NPHS1: variants seen among roughly 807,000 people sequenced by gnomAD.
NPHS1 encodes the protein nephrin.
A neutral mutation model predicts 139.7 loss-of-function variants in NPHS1; 107 were observed. The ratio of observed to expected loss-of-function variants is 0.77; its 90% confidence interval spans 0.66 to 0.90. The LOEUF (loss-of-function observed/expected upper bound fraction) is 0.90, where lower values mean the gene tolerates loss of function less well. NPHS1 is among the 40% of genes least tolerant of loss of function. NPHS1 has a pLI of 0.00. For missense variants in NPHS1, 1,580 were observed against 1,654.2 expected (o/e 0.96, Z 0.78); for synonymous variants, 707 against 706.6 (o/e 1.00, Z -0.01).
At chr19:35,829,767 G>T (rs1972850123) in intron 28 of NPHS1, among the ~76,000 whole-genome samples, 1 of 151,952 alleles carries the variant, frequency 6.6e-6, no homozygotes, top group African/African-American at 2.4e-5. Flanking sequence ...TCGAACTCTT[G>T]ACCTCAGGTA....
intron 14 of NPHS1, among the ~76,000 whole-genome samples, chr19:35,844,990 T>A (rs971437849): frequency 3.3e-5 from 5 of 151,658 alleles, no homozygotes; most frequent in South Asian, 4.2e-4. Context: ...AAAATCAGCC[T>A]AGCATAGTGG....
rs1042689819 is a variant in NPHS1 at position 35,849,208 on chromosome 19, C to A, written c.840+28G>T. Reference sequence around the variant, plus strand: ...TGGCTCCCAGACCCCACTGTCCCCCCATTCCCCATGCCCGCGTTTGCCCTC... The same window carrying A: ...TGGCTCCCAGACCCCACTGTCCCCCAATTCCCCATGCCCGCGTTTGCCCTC... On this transcript the variant is annotated intron_variant, in intron 7 of 28. Coordinates refer to ENST00000378910, the MANE Select transcript of NPHS1 (RefSeq NM_004646.4). The A allele has an allele frequency of 1.4e-5, 22 of 1,613,590 alleles. No individual in the cohort carries two copies. In the Admixed American group the frequency reaches 1.8e-4, roughly 13 times the overall value.
At chr19:35,837,026 A>AAAAGAAAAGAAAGAAAGAAAG (rs1555761159) in intron 22 of NPHS1, among the ~76,000 whole-genome samples, 1 of 131,866 alleles carries the variant, frequency 7.6e-6, no homozygotes, top group African/African-American at 2.9e-5. Flanking sequence ...AAAAGAAAAG[A>AAAAGAAAAGAAAGAAAGAAAG]AAAGAAAGAA....
chr19:35,847,289 C>T (rs1325272390), intron 11 of NPHS1, among the ~76,000 whole-genome samples: 2 of 151,486 alleles, frequency 1.3e-5, no homozygotes, highest in East Asian at 3.9e-4. Flanking sequence ...TCGTGATCCG[C>T]CCGCCTCAGC....
intron 9 of NPHS1, 41 bp from the exon 10 acceptor site, chr19:35,848,438 C>T: frequency 6.2e-7 from 1 of 1,613,782 alleles, no homozygotes; most frequent in Non-Finnish European, 8.5e-7. Context: ...CTGCAGCACC[C>T]CTATCCATCG....
chr19:35,839,165 G>T lies in NPHS1; in HGVS notation c.3109+72C>A, dbSNP rs1705242743. ...AGTAACTCATCATAAAAGGGGAATA[G>T]TATTGACTTCACCATACTACCCTAC... On this transcript the variant is annotated intron_variant, in intron 22 of 28. Coordinates refer to ENST00000378910, the MANE Select transcript of NPHS1 (RefSeq NM_004646.4). 2.1e-6 allele frequency: 3 copies of T among 1,430,386 alleles called. No homozygotes were observed. In the Admixed American group the frequency reaches 5.0e-5, roughly 24 times the overall value. 88.6% of individuals were successfully genotyped at this position (1,430,386 alleles called of 1,614,324 possible). A position where few individuals can be genotyped will look rare whatever the true frequency, so the allele number is the denominator to read the frequency against.
At chr19:35,847,343 CCT>C (rs1973157908) in intron 11 of NPHS1, among the ~76,000 whole-genome samples, 9 of 116,206 alleles carry the variant, frequency 7.7e-5, no homozygotes, top group Non-Finnish European at 1.2e-4. Context: ...CTGTGCCCAG[CCT>C]TTTTTTTTTT....
At position 35,841,614 on chromosome 19, in the gene NPHS1, A is replaced by G. The variant is rs534088972; in HGVS notation, c.2815+101T>C. On this transcript the variant is annotated intron_variant, in intron 20 of 28. Coordinates refer to ENST00000378910, the MANE Select transcript of NPHS1 (RefSeq NM_004646.4). The stretch of plus-strand genomic sequence containing the variant: ...AACTCCATCCTCACACATACACAGA[A>G]CTTCCGGTTTCAGAAACATGGGCAG... The G allele has an allele frequency of 2.3e-3, 3,181 of 1,406,774 alleles. 10 individuals are homozygous for G. The highest frequency in any genetic ancestry group is 2.6e-3 in the Non-Finnish European group (2,586 of 1,001,480). The allele number at this position is 1,406,774 out of a possible 1,614,324, so 87.1% of individuals were successfully genotyped here. A position where few individuals can be genotyped will look rare whatever the true frequency, so the allele number is the denominator to read the frequency against.
At chr19:35,844,069 G>A in intron 16 of NPHS1, 34 bp downstream of exon 16, 1 of 1,602,724 alleles carries the variant, frequency 6.2e-7, no homozygotes, top group Non-Finnish European at 8.5e-7. Flanking sequence ...AGGTTCCTTG[G>A]GTGGGTGTGG....
In NPHS1 at chr19:35,844,245, TG is replaced by T. The variant is rs1376947644; in HGVS notation, c.2072-3del. The T allele has an allele frequency of 6.2e-7, 1 of 1,613,390 alleles. No individual in the cohort carries two copies. The highest frequency in any genetic ancestry group is 1.3e-5 in the African/African-American group (1 of 74,942). On this transcript the variant is annotated splice_polypyrimidine_tract_variant and splice_region_variant and intron_variant, in intron 15 of 28. Coordinates refer to ENST00000378910, the MANE Select transcript of NPHS1 (RefSeq NM_004646.4). ...GGATGCGATGCCGGGGGCCGCCCGCTGGGGAAGGCCAGAATAAGGGACCTGG... is the reference window on the plus strand; with the variant it reads ...GGATGCGATGCCGGGGGCCGCCCGCTGGGAAGGCCAGAATAAGGGACCTGG...
rs1568453134 is a variant in NPHS1, at chr19:35,842,113, C to A, written c.2663+11G>T. 1 of 1,600,028 alleles carries A rather than the reference C, an allele frequency of 6.2e-7. No homozygotes were observed. Among genetic ancestry groups the A allele is most frequent in the Non-Finnish European group, 8.5e-7 (1 of 1,174,332 alleles). ...GGGGCTGGAGTGCTGCCTGGCTGGG[C>A]TTGGGCTCACCTGGGATCTTGGAGA... On this transcript the variant is annotated intron_variant, in intron 19 of 28. Transcript: ENST00000378910.
intron 20 of NPHS1, among the ~76,000 whole-genome samples, chr19:35,840,007 T>C (rs1042325035): frequency 2.0e-5 from 3 of 151,792 alleles, no homozygotes; most frequent in Non-Finnish European, 2.9e-5. Context: ...TTCTTTTTTT[T>C]TTTTTCTTTT....
In NPHS1 at chr19:35,852,128, T is replaced by C. The variant is rs1973285828; in HGVS notation, c.-291A>G. Among the ~76,000 whole-genome samples, 1 of 149,474 alleles carries C rather than the reference T, an allele frequency of 6.7e-6. No individual in the cohort carries two copies. Among genetic ancestry groups the C allele is most frequent in the African/African-American group, 2.5e-5 (1 of 40,592 alleles). On this transcript the variant is annotated 5_prime_UTR_variant, in exon 1 of 29. In the 5' UTR this introduces an upstream ATG that the reference lacks. Coordinates refer to ENST00000378910, the MANE Select transcript of NPHS1 (RefSeq NM_004646.4). ...TTTTTTTTTAGAGACGGGGTCTCAC[T>C]ATGTTGGCCAGGTTGATCTCAGACT...
chr19:35,851,531 T>C lies in NPHS1; in HGVS notation c.200A>G (p.Asp67Gly), dbSNP rs1265073873. The C allele has an allele frequency of 1.2e-6, 2 of 1,613,660 alleles. No homozygotes were observed. The highest frequency in any genetic ancestry group is 1.3e-5 in the African/African-American group (1 of 74,914). The change falls in exon 2 of 29, where the codon GAT (aspartate) becomes GGT (glycine). Residue 67 changes from aspartate (D) to glycine (G), a missense_variant. Physicochemically the swap from Asp to Gly is moderately conservative, Grantham distance 94. Transcript: ENST00000378910. ...GGGGTCGGGGCCCAGGAGCAGCCCATCTTTGGCCCATTGCACCGCACTGCC... is the reference window on the plus strand; with the variant it reads ...GGGGTCGGGGCCCAGGAGCAGCCCACCTTTGGCCCATTGCACCGCACTGCC... The part of the protein sequence containing the change: ...TPGSAVQWAK[D>G]GLLLGPDPRI...
At chr19:35,830,513 G>A (rs1049495912) in intron 28 of NPHS1, among the ~76,000 whole-genome samples, 1 of 152,240 alleles carries the variant, frequency 6.6e-6, no homozygotes, top group Non-Finnish European at 1.5e-5. Context: ...GAGCTCAAGG[G>A]ATCCTCCTGG....
intron 23 of NPHS1, among the ~76,000 whole-genome samples, 168 bp downstream of exon 23, chr19:35,835,537 T>A (rs1482556218): frequency 6.6e-6 from 1 of 152,018 alleles, no homozygotes. Flanking sequence ...GCTCAAGTGA[T>A]CACATGCCTT....
chr19:35,825,754 A>C lies in NPHS1; in HGVS notation c.*760T>G, dbSNP rs531569980. 6.6e-6 allele frequency among the ~76,000 whole-genome samples: 1 copy of C among 152,160 alleles called. No homozygotes were observed. On this transcript the variant is annotated 3_prime_UTR_variant, in exon 29 of 29. Coordinates refer to ENST00000378910, the MANE Select transcript of NPHS1 (RefSeq NM_004646.4). ...TCATAGTTTATGCCTCCTGTGTTAG[A>C]TAACTGTCGGAAATAATAAAATAAT...
chr19:35,848,503 A>G (rs1004189976), intron 9 of NPHS1, 106 bp from the exon 10 acceptor site: 5 of 1,584,214 alleles, frequency 3.2e-6, no homozygotes, highest in Non-Finnish European at 4.3e-6. Flanking sequence ...AGACATCTCT[A>G]CCTCCCCCTC....
At chr19:35,843,656 C>T in intron 16 of NPHS1, 63 bp from the exon 17 acceptor site, 1 of 1,597,986 alleles carries the variant, frequency 6.3e-7, no homozygotes, top group Non-Finnish European at 8.6e-7. Context: ...TGTGAGAGGG[C>T]CCCAGGTGGG....
Sources: gnomAD v4.1 joint callset for allele counts (sites outside exome capture counted in the v4.1 genomes callset) on GRCh38, gnomAD v4.1.1 for gene constraint, MANE v1.5 for transcripts, NCBI Gene and HGNC (gene_info 2026-07-23, HGNC 2026-07-21) for gene names.